ZYG11B: variants seen among roughly 807,000 people sequenced by gnomAD.
The protein encoded by ZYG11B is protein zyg-11 homolog B.
ZYG11B carries 36 observed loss-of-function variants against 82.4 expected under a neutral mutation model. That is an observed-to-expected ratio of 0.44 (90% confidence interval 0.33 to 0.58). The LOEUF (loss-of-function observed/expected upper bound fraction) is 0.58, where lower values mean the gene tolerates loss of function less well. ZYG11B is among the 20% of genes least tolerant of loss of function. The pLI is 0.02. For synonymous variants in ZYG11B, 303 were observed against 312.8 expected (o/e 0.97, Z 0.33); for missense variants, 552 against 895.6 (o/e 0.62, Z 4.90).
intron 13 of ZYG11B, among the ~76,000 whole-genome samples, chr1:52,820,975 C>CTG (rs1645278000): frequency 6.6e-6 from 1 of 151,322 alleles, no homozygotes; most frequent in African/African-American, 2.4e-5. Context: ...GTGGCATGTG[C>CTG]CTGTATTTCC....
chr1:52,763,512 G>T (rs1226403259), intron 2 of ZYG11B, among the ~76,000 whole-genome samples: 1 of 152,040 alleles, frequency 6.6e-6, no homozygotes. Flanking sequence ...TAGAGACAGG[G>T]TCTCACTGTG....
At chr1:52,776,229 A>AAAAAATATATATATATATATAT in intron 3 of ZYG11B, among the ~76,000 whole-genome samples, 3 of 23,544 alleles carry the variant, frequency 1.3e-4, no homozygotes, top group Admixed American at 8.1e-4. Context: ...TAAAAAAAAA[A>AAAAAATATATATATATATATAT]ATATATATAT....
intron 10 of ZYG11B, among the ~76,000 whole-genome samples, chr1:52,811,858 G>A (rs1020731523): frequency 3.3e-5 from 5 of 151,950 alleles, no homozygotes; most frequent in South Asian, 2.1e-4. Flanking sequence ...GTGAAACCCC[G>A]TCTCTACTAA....
intron 1 of ZYG11B, among the ~76,000 whole-genome samples, chr1:52,739,815 G>T (rs777529792): frequency 6.6e-6 from 1 of 151,472 alleles, no homozygotes; most frequent in Non-Finnish European, 1.5e-5. Flanking sequence ...CATGTTGGCC[G>T]GGCTGGTCTT....
chr1:52,787,014 C>T (rs476683), intron 5 of ZYG11B, among the ~76,000 whole-genome samples: 73,457 of 151,528 alleles, frequency 0.48, 18,240 homozygotes, highest in East Asian at 0.62. Context: ...CGCTTGAACC[C>T]GGGAGGGGGA....
chr1:52,744,123 G>A (rs1358738801), intron 1 of ZYG11B, among the ~76,000 whole-genome samples: 2 of 152,018 alleles, frequency 1.3e-5, no homozygotes, highest in Admixed American at 1.3e-4. Flanking sequence ...TTTTAGTAGA[G>A]ATGGGGTTTT....
chr1:52,728,977 G>T (rs910888049), intron 1 of ZYG11B, among the ~76,000 whole-genome samples: 4 of 152,094 alleles, frequency 2.6e-5, no homozygotes, highest in Non-Finnish European at 5.9e-5. Context: ...AGGAAATGAG[G>T]CTAGCAAGAT....
chr1:52,756,752 C>T, intron 2 of ZYG11B, 129 bp downstream of exon 2: 1 of 743,454 alleles, frequency 1.3e-6, no homozygotes, highest in Non-Finnish European at 2.1e-6. Flanking sequence ...GATTCCAGGA[C>T]TATGAATTCA....
At chr1:52,742,488 A>G (rs570926972) in intron 1 of ZYG11B, among the ~76,000 whole-genome samples, 2 of 149,490 alleles carry the variant, frequency 1.3e-5, no homozygotes, top group South Asian at 4.1e-4. Flanking sequence ...GATGTAAAAG[A>G]GAGAATTTTT....
At chr1:52,803,245 CACACAT>C (rs1470418613) in intron 10 of ZYG11B, among the ~76,000 whole-genome samples, 3 of 62,012 alleles carry the variant, frequency 4.8e-5, no homozygotes, top group African/African-American at 3.5e-4. Context: ...TATATACACA[CACACAT>C]ATATATATAT....
intron 13 of ZYG11B, among the ~76,000 whole-genome samples, chr1:52,818,901 C>A (rs1645257502): frequency 6.6e-6 from 1 of 150,870 alleles, no homozygotes; most frequent in African/African-American, 2.4e-5. Flanking sequence ...TCAAGCATTT[C>A]TCCTACCTCA....
intron 1 of ZYG11B, among the ~76,000 whole-genome samples, chr1:52,753,944 T>A (rs1463328874): frequency 6.6e-6 from 1 of 152,168 alleles, no homozygotes; most frequent in African/African-American, 2.4e-5. Flanking sequence ...TTGGCCAGGC[T>A]GGTCTCGAAC....
In ZYG11B at chr1:52,796,404, T is replaced by C. The variant is rs768529630; in HGVS notation, c.1434+13T>C. On this transcript the variant is annotated intron_variant, in intron 7 of 13. Transcript: ENST00000294353. Reference sequence around the variant, plus strand: ...CCTGGCTGCCAAGGTACCTGAACTCTTGCTGAATAATTTTCTGTAGACAGC... The same window carrying C: ...CCTGGCTGCCAAGGTACCTGAACTCCTGCTGAATAATTTTCTGTAGACAGC... 13 of 1,604,746 alleles carry C rather than the reference T, an allele frequency of 8.1e-6. No individual in the cohort carries two copies. Among genetic ancestry groups the C allele is most frequent in the South Asian group, 3.3e-5 (3 of 90,606 alleles).
At chr1:52,820,737 A>G (rs1645276188) in intron 13 of ZYG11B, among the ~76,000 whole-genome samples, 2 of 147,836 alleles carry the variant, frequency 1.4e-5, no homozygotes, top group East Asian at 4.0e-4. Context: ...AAAAAAAAAA[A>G]GGCTAATAAA....
chr1:52,766,804 C>G (rs1256570915), intron 2 of ZYG11B, among the ~76,000 whole-genome samples: 2 of 152,078 alleles, frequency 1.3e-5, no homozygotes, highest in Non-Finnish European at 2.9e-5. Flanking sequence ...GTCAGGAGAT[C>G]AAGACCATCC....
intron 10 of ZYG11B, among the ~76,000 whole-genome samples, chr1:52,805,920 A>G (rs78912591): frequency 0.011 from 1,652 of 152,280 alleles, 28 homozygotes; most frequent in Middle Eastern, 0.017. Context: ...ACATGTTGTT[A>G]TAACTAGTGA....
intron 7 of ZYG11B, 144 bp from the exon 8 acceptor site, chr1:52,796,590 C>CCT: frequency 3.6e-6 from 3 of 830,916 alleles, no homozygotes; most frequent in Non-Finnish European, 5.4e-6. Flanking sequence ...GAGGCCGAGG[C>CCT]AGGCCTCCCA....
chr1:52,811,228 G>A (rs1365023702), intron 10 of ZYG11B, among the ~76,000 whole-genome samples: 1 of 152,046 alleles, frequency 6.6e-6, no homozygotes, highest in Non-Finnish European at 1.5e-5. Context: ...TGAAGTCTAA[G>A]TGGACAATTT....
chr1:52,774,055 G>A (rs1350583762), intron 3 of ZYG11B, among the ~76,000 whole-genome samples: 4 of 152,034 alleles, frequency 2.6e-5, no homozygotes, highest in Admixed American at 1.3e-4. Context: ...AGGAAGAGAG[G>A]TGAGACCCAG....
Sources: allele counts gnomAD v4.1 joint callset (sites outside exome capture counted in the v4.1 genomes callset), GRCh38; gene constraint gnomAD v4.1.1; transcripts MANE v1.5; gene names NCBI Gene and HGNC (gene_info 2026-07-23, HGNC 2026-07-21).